Variants in ZNRF2 observed in about 807,000 individuals in gnomAD.
ZNRF2 encodes zinc and ring finger 2.
In ZNRF2, 16 loss-of-function variants were observed where a neutral mutation model predicts 20.4. The ratio of observed to expected loss-of-function variants is 0.79; its 90% CI spans 0.53 to 1.19. The LOEUF (loss-of-function observed/expected upper bound fraction) is 1.19, where lower values mean the gene tolerates loss of function less well. ZNRF2 is among the 50% of genes most tolerant of loss of function. The pLI is 0.00. For synonymous variants in ZNRF2, 178 were observed against 144.9 expected (o/e 1.23, Z -1.64); for missense variants, 363 against 332.4 (o/e 1.09, Z -0.72).
chr7:30,285,184 A>G lies in ZNRF2; in HGVS notation c.-174A>G, dbSNP rs775874101. On this transcript the variant is annotated 5_prime_UTR_variant, in exon 1 of 5. Coordinates refer to ENST00000323037, the MANE Select transcript of ZNRF2 (RefSeq NM_147128.4). The stretch of plus-strand genomic sequence containing the variant: ...GTCGGCCTCGCCCGCCGCCCCAAGA[A>G]GAGCGCGCCGGGCGCCGACTGCCCC... 6.5e-5 allele frequency: 29 copies of G among 443,044 alleles called. No individual in the cohort carries two copies. In the East Asian group the frequency reaches 3.7e-3, roughly 56 times the overall value. The allele number at this position is 443,044 out of a possible 1,614,324, so 27.4% of individuals were successfully genotyped here. A position where few individuals can be genotyped will look rare whatever the true frequency, so the allele number is the denominator to read the frequency against.
At chr7:30,302,693 G>GT (rs1799137934) in intron 1 of ZNRF2, among the ~76,000 whole-genome samples, 1 of 152,030 alleles carries the variant, frequency 6.6e-6, no homozygotes, top group Admixed American at 6.5e-5. Flanking sequence ...ATTTTCTATG[G>GT]TAACACATGT....
chr7:30,306,254 T>C (rs1003686539), intron 1 of ZNRF2, among the ~76,000 whole-genome samples: 1 of 151,984 alleles, frequency 6.6e-6, no homozygotes, highest in Non-Finnish European at 1.5e-5. Context: ...AAGCATTACA[T>C]AAAATACTTA....
At chr7:30,336,923 T>TG (rs1799724085) in intron 2 of ZNRF2, among the ~76,000 whole-genome samples, 1 of 152,156 alleles carries the variant, frequency 6.6e-6, no homozygotes, top group Admixed American at 6.6e-5. Context: ...TTAGAAAACA[T>TG]GCGTGTATGT....
At chr7:30,323,388 T>G (rs1245574075) in intron 1 of ZNRF2, among the ~76,000 whole-genome samples, 1 of 152,190 alleles carries the variant, frequency 6.6e-6, no homozygotes, top group Non-Finnish European at 1.5e-5. Flanking sequence ...CAGAGAGAGA[T>G]ACAGGAGTTT....
intron 1 of ZNRF2, 91 bp downstream of exon 1, chr7:30,285,917 T>C: frequency 1.5e-6 from 2 of 1,331,684 alleles, no homozygotes; most frequent in Non-Finnish European, 1.9e-6. Flanking sequence ...TCTCCTTTTC[T>C]CCTTCTGCCG....
At chr7:30,294,834 T>C (rs1300310265) in intron 1 of ZNRF2, among the ~76,000 whole-genome samples, 1 of 151,882 alleles carries the variant, frequency 6.6e-6, no homozygotes, top group African/African-American at 2.4e-5. Context: ...GCCTTTCAGT[T>C]GTAAAGGATA....
chr7:30,354,523 A>G lies in ZNRF2; in HGVS notation c.566-1205A>G, dbSNP rs568173003. Reference sequence around the variant, plus strand: ...GGAAGAACCACTTCTTATAGAATGAATTTTTCTGCAGGGTACTCTTACAGA... The same window carrying G: ...GGAAGAACCACTTCTTATAGAATGAGTTTTTCTGCAGGGTACTCTTACAGA... On this transcript the variant is annotated intron_variant, in intron 2 of 4. Coordinates refer to ENST00000323037, the MANE Select transcript of ZNRF2 (RefSeq NM_147128.4). 6.6e-5 allele frequency among the ~76,000 whole-genome samples: 10 copies of G among 152,110 alleles called. No homozygotes were observed. In the South Asian group the frequency reaches 8.3e-4, roughly 13 times the overall value.
At chr7:30,346,646 C>T (rs1483327243) in intron 2 of ZNRF2, among the ~76,000 whole-genome samples, 3 of 151,858 alleles carry the variant, frequency 2.0e-5, no homozygotes, top group Non-Finnish European at 4.4e-5. Flanking sequence ...TTTCACCGTA[C>T]TCCCATCTCT....
At chr7:30,293,312 G>A (rs1279436359) in intron 1 of ZNRF2, among the ~76,000 whole-genome samples, 5 of 149,938 alleles carry the variant, frequency 3.3e-5, no homozygotes, top group African/African-American at 4.9e-5. Flanking sequence ...GCAGTAGTGC[G>A]ATCTTGGCTC....
chr7:30,353,566 T>C (rs919136440), intron 2 of ZNRF2, among the ~76,000 whole-genome samples: 3 of 152,162 alleles, frequency 2.0e-5, no homozygotes, highest in Non-Finnish European at 4.4e-5. Flanking sequence ...GTTCTTAAAA[T>C]ATGTATCATT....
At chr7:30,300,175 A>T (rs1488485623) in intron 1 of ZNRF2, among the ~76,000 whole-genome samples, 3 of 114,296 alleles carry the variant, frequency 2.6e-5, no homozygotes, top group African/African-American at 1.0e-4. Flanking sequence ...TTTGAGACGG[A>T]GTCTTACTCT....
intron 3 of ZNRF2, among the ~76,000 whole-genome samples, chr7:30,360,217 G>C (rs1307131946): frequency 1.3e-5 from 2 of 152,184 alleles, no homozygotes; most frequent in Non-Finnish European, 2.9e-5. Flanking sequence ...CTTTCATTGA[G>C]AAAGCCTTGC....
intron 2 of ZNRF2, among the ~76,000 whole-genome samples, chr7:30,338,593 A>G (rs1799752411): frequency 6.6e-6 from 1 of 152,136 alleles, no homozygotes; most frequent in South Asian, 2.1e-4. Flanking sequence ...TGTCCCTGCA[A>G]AGGACATGAA....
chr7:30,329,046 A>G (rs559738557), intron 2 of ZNRF2, among the ~76,000 whole-genome samples: 2 of 152,320 alleles, frequency 1.3e-5, no homozygotes, highest in South Asian at 2.1e-4. Flanking sequence ...ATCTAATACA[A>G]ATTTTATGAG....
In ZNRF2 at chr7:30,285,447, C is replaced by T. The variant is rs1165733295; in HGVS notation, c.90C>T (p.Gly30=). Residue 30 remains glycine (G), a synonymous_variant, in exon 1 of 5, where the codon GGC becomes GGT. Transcript: ENST00000323037. The part of the protein sequence containing the change: ...GSDLPSSSSG[G]ANGTAGGGGG... ...ATCTACCTTCCAGTAGCAGCGGAGG[C>T]GCCAATGGGACCGCGGGCGGCGGCG... 10 of 1,172,164 alleles carry T rather than the reference C, an allele frequency of 8.5e-6. No individual in the cohort carries two copies. The African/African-American group carries it at 1.0e-4, about 12-fold the overall frequency. The allele number at this position is 1,172,164 out of a possible 1,614,324, so 72.6% of individuals were successfully genotyped here. A position where few individuals can be genotyped will look rare whatever the true frequency, so the allele number is the denominator to read the frequency against.
chr7:30,353,156 G>C (rs1799984500), intron 2 of ZNRF2, among the ~76,000 whole-genome samples: 1 of 152,118 alleles, frequency 6.6e-6, no homozygotes, highest in Admixed American at 6.6e-5. Context: ...ATGTGAAGCT[G>C]TAATCATGAG....
intron 1 of ZNRF2, among the ~76,000 whole-genome samples, chr7:30,299,406 C>T (rs866367984): frequency 4.2e-5 from 6 of 142,186 alleles, no homozygotes; most frequent in Admixed American, 3.6e-4. Flanking sequence ...GCAACAAGGG[C>T]GAAACTATGT....
At chr7:30,287,135 G>A (rs1343797127) in intron 1 of ZNRF2, among the ~76,000 whole-genome samples, 1 of 152,028 alleles carries the variant, frequency 6.6e-6, no homozygotes, top group African/African-American at 2.4e-5. Context: ...TTAAAATTGG[G>A]CTATTTTTAA....
chr7:30,333,418 G>A (rs1483749784), intron 2 of ZNRF2, among the ~76,000 whole-genome samples: 1 of 150,620 alleles, frequency 6.6e-6, no homozygotes, highest in African/African-American at 2.4e-5. Flanking sequence ...TGCCCAGGCT[G>A]GAGTGCAGTG....
Sources: allele counts gnomAD v4.1 joint callset (sites outside exome capture counted in the v4.1 genomes callset), GRCh38; gene constraint gnomAD v4.1.1; transcripts MANE v1.5; gene names NCBI Gene and HGNC (gene_info 2026-07-23, HGNC 2026-07-21).